Variants in FRA10AC1 observed in about 807,000 individuals in gnomAD.
FRA10AC1 encodes protein FRA10AC1.
In FRA10AC1, 43 loss-of-function variants were observed where a neutral mutation model predicts 56.5. The ratio of observed to expected loss-of-function variants is 0.76; its 90% CI spans 0.60 to 0.98. The LOEUF (loss-of-function observed/expected upper bound fraction) is 0.98, where lower values mean the gene tolerates loss of function less well. Among genes scored for constraint, FRA10AC1 ranks in the 50% least tolerant of loss-of-function variants. The pLI is 0.00. For missense variants in FRA10AC1, 346 were observed against 351.8 expected, an observed-to-expected ratio of 0.98 and a Z score of 0.13; for synonymous variants, 112 against 110.5, an observed-to-expected ratio of 1.01 and a Z score of -0.09.
intron 12 of FRA10AC1, chr10:93,672,469 T>C (rs985990532): frequency 6.4e-5 from 10 of 155,314 alleles, no homozygotes; most frequent in African/African-American, 2.2e-4. Context: ...AACTCATTAA[T>C]ATGAGATAAA....
intron 1 of FRA10AC1, among the ~76,000 whole-genome samples, chr10:93,702,030 ACAT>A (rs1235136613): frequency 2.6e-5 from 4 of 152,146 alleles, no homozygotes; most frequent in East Asian, 3.9e-4. Context: ...AGTAAATGTT[ACAT>A]CATCATCATC....
chr10:93,698,504 T>A, intron 2 of FRA10AC1, 108 bp from the exon 3 acceptor site: 1 of 597,492 alleles, frequency 1.7e-6, no homozygotes, highest in Non-Finnish European at 2.8e-6. Flanking sequence ...GTCTTAACTT[T>A]AAGAAGACTC....
intron 4 of FRA10AC1, 123 bp from the exon 5 acceptor site, chr10:93,695,060 C>T (rs547314338): frequency 1.6e-6 from 1 of 622,418 alleles, no homozygotes; most frequent in African/African-American, 1.8e-5. Flanking sequence ...AATATTCACA[C>T]ACTATACATG....
At chr10:93,679,620 T>C (rs139068824) in intron 11 of FRA10AC1, among the ~76,000 whole-genome samples, 3 of 151,720 alleles carry the variant, frequency 2.0e-5, no homozygotes, top group African/African-American at 7.3e-5. Flanking sequence ...AGGTACAGAG[T>C]GGTAAGAAAC....
chr10:93,698,194 A>T lies in FRA10AC1; in HGVS notation c.174-13T>A. The T allele has an allele frequency of 6.4e-7, 1 of 1,570,528 alleles. No homozygotes were observed. Among genetic ancestry groups the T allele is most frequent in the Non-Finnish European group, 8.7e-7 (1 of 1,149,504 alleles). ...TCTTGCTTCTTCCCTGTTAAAACAAATTTTTTTAAGAAAATTCAAAATGTT... is the reference window on the plus strand; with the variant it reads ...TCTTGCTTCTTCCCTGTTAAAACAATTTTTTTTAAGAAAATTCAAAATGTT... On this transcript the variant is annotated splice_polypyrimidine_tract_variant and intron_variant, in intron 3 of 13. Coordinates refer to ENST00000359204, the MANE Select transcript of FRA10AC1 (RefSeq NM_145246.5).
chr10:93,700,162 A>C (rs1000218076), intron 1 of FRA10AC1, 56 bp from the exon 2 acceptor site: 1 of 986,180 alleles, frequency 1.0e-6, no homozygotes, highest in African/African-American at 1.6e-5. Flanking sequence ...TTGTCCAGGA[A>C]ACAATAATTC....
intron 12 of FRA10AC1, 29 bp downstream of exon 12, chr10:93,676,623 AT>A (rs778647064): frequency 6.5e-7 from 1 of 1,543,042 alleles, no homozygotes; most frequent in Non-Finnish European, 8.7e-7. Context: ...TCAAATGCAT[AT>A]TTTTATTAAA....
At position 93,676,673 on chromosome 10, in the gene FRA10AC1, T is replaced by A; in HGVS notation, c.806A>T (p.Lys269Ile). The change falls in exon 12 of 14, where the codon AAA becomes ATA. Residue 269 changes from lysine (K) to isoleucine (I), a missense_variant. Physicochemically the swap from Lys to Ile is moderately radical, Grantham distance 102. Transcript: ENST00000359204. The part of the protein sequence containing the change: ...KKDKGHSSSK[K>I]SEDSLLRNSD... Reference sequence around the variant, plus strand: ...CTTACTAAGTAGAGAATCTTCAGATTTCTTTGAAGATGAATGTCCTGAAAA... The same window carrying A: ...CTTACTAAGTAGAGAATCTTCAGATATCTTTGAAGATGAATGTCCTGAAAA... 6.4e-7 allele frequency: 1 copy of A among 1,568,302 alleles called. No individual in the cohort carries two copies. The highest frequency in any genetic ancestry group is 8.6e-7 in the Non-Finnish European group (1 of 1,161,940).
At chr10:93,702,764 C>T (rs1170971607), upstream of FRA10AC1, among the ~76,000 whole-genome samples, 2 of 151,906 alleles carry the variant, frequency 1.3e-5, no homozygotes, top group African/African-American at 4.8e-5. Context: ...TTTCCCTGGG[C>T]CTCCTTCCTT....
chr10:93,700,030 CTTT>C lies in FRA10AC1; in HGVS notation c.74_76del (p.Lys25del). The C allele has an allele frequency of 6.5e-7, 1 of 1,531,536 alleles. No homozygotes were observed. The allele number at this position is 1,531,536 out of a possible 1,614,324, so 94.9% of individuals were successfully genotyped here. A position where few individuals can be genotyped will look rare whatever the true frequency, so the allele number is the denominator to read the frequency against. On this transcript the variant is annotated inframe_deletion and splice_region_variant, in exon 2 of 14. Transcript: ENST00000359204. ...AGATCAATAAAAAAAAATTACTTAC[CTTT>C]TTTTCCTTTTGCTGGATTCTCCACA...
intron 12 of FRA10AC1, 113 bp downstream of exon 12, chr10:93,676,536 AAAAT>A: frequency 4.3e-6 from 6 of 1,382,612 alleles, no homozygotes; most frequent in Non-Finnish European, 5.7e-6. Context: ...CTCATGTACA[AAAAT>A]AATTAACAAA....
chr10:93,697,261 C>T (rs1177861488), intron 4 of FRA10AC1, among the ~76,000 whole-genome samples: 1 of 152,000 alleles, frequency 6.6e-6, no homozygotes, highest in Admixed American at 6.6e-5. Flanking sequence ...TGTTTAAATG[C>T]TAAAGGAACA....
chr10:93,672,878 A>G, intron 12 of FRA10AC1: 1 of 161,146 alleles, frequency 6.2e-6, no homozygotes, highest in Non-Finnish European at 1.3e-5. Context: ...TAACTGTTAC[A>G]ACCTGCCAGG....
In FRA10AC1 at chr10:93,669,884, AG is replaced by A; in HGVS notation, c.906-17del. 1 of 1,429,254 alleles carries A rather than the reference AG, an allele frequency of 7.0e-7. No homozygotes were observed. The highest frequency in any genetic ancestry group is 9.8e-7 in the Non-Finnish European group (1 of 1,025,170). The allele number at this position is 1,429,254 out of a possible 1,614,324, so 88.5% of individuals were successfully genotyped here. On this transcript the variant is annotated splice_polypyrimidine_tract_variant and intron_variant, in intron 13 of 13. Transcript: ENST00000359204. Reference sequence around the variant, plus strand: ...TTCTTCTTCCCTATTTAAAAAAAAAAGCATACTTAAGATCAATAGAGTAAAA... The same window carrying A: ...TTCTTCTTCCCTATTTAAAAAAAAAACATACTTAAGATCAATAGAGTAAAA...
chr10:93,701,813 A>C (rs896816893), intron 1 of FRA10AC1, among the ~76,000 whole-genome samples: 2 of 151,880 alleles, frequency 1.3e-5, no homozygotes, highest in African/African-American at 4.8e-5. Context: ...GTGTTTAGAG[A>C]TATATTCTAG....
chr10:93,700,363 T>C (rs2059310535), intron 1 of FRA10AC1, among the ~76,000 whole-genome samples: 1 of 152,204 alleles, frequency 6.6e-6, no homozygotes, highest in African/African-American at 2.4e-5. Flanking sequence ...TCTTTGATCT[T>C]TTCACTGAAA....
chr10:93,671,121 T>C (rs1326215), intron 12 of FRA10AC1: 147,678 of 314,734 alleles, frequency 0.47, 36,479 homozygotes, highest in Non-Finnish European at 0.53. Context: ...ATTCCAATAT[T>C]AACTCTTGTA....
At chr10:93,701,418 G>T (rs1241445411) in intron 1 of FRA10AC1, among the ~76,000 whole-genome samples, 1 of 152,142 alleles carries the variant, frequency 6.6e-6, no homozygotes, top group African/African-American at 2.4e-5. Context: ...TGGCTACCTT[G>T]AATAAGTCAT....
intron 11 of FRA10AC1, 60 bp from the exon 12 acceptor site, chr10:93,676,751 G>A: frequency 6.7e-7 from 1 of 1,486,390 alleles, no homozygotes; most frequent in Non-Finnish European, 9.0e-7. Flanking sequence ...AATCATTGTA[G>A]CTATAACCAG....
Sources: allele counts gnomAD v4.1 joint callset (sites outside exome capture counted in the v4.1 genomes callset), GRCh38; gene constraint gnomAD v4.1.1; transcripts MANE v1.5; gene names NCBI Gene and HGNC (gene_info 2026-07-23, HGNC 2026-07-21).